Variants in GRM8 observed in about 807,000 individuals in gnomAD.
GRM8 encodes the protein glutamate metabotropic receptor 8.
A neutral mutation model predicts 87.2 loss-of-function variants in GRM8; 47 were observed. The observed-to-expected ratio is 0.54, with a 90% CI of 0.43 to 0.69. The LOEUF (loss-of-function observed/expected upper bound fraction) is 0.69. Among genes scored for constraint, GRM8 ranks in the 30% least tolerant of loss-of-function variants. The probability of loss-of-function intolerance (pLI) is 0.00; values close to 1 mark genes in which losing one functional copy is unlikely to be tolerated. For missense variants in GRM8, 1,019 were observed against 1,139.2 expected (o/e 0.89, Z 1.52); for synonymous variants, 396 against 404.5 (o/e 0.98, Z 0.25).
At chr7:126,557,990 CAT>C (rs1015591046) in intron 8 of GRM8, among the ~76,000 whole-genome samples, 16 of 152,174 alleles carry the variant, frequency 1.1e-4, no homozygotes, top group Admixed American at 7.2e-4. Flanking sequence ...TTAAAATTAA[CAT>C]AAATTCATAC....
intron 9 of GRM8, among the ~76,000 whole-genome samples, chr7:126,460,253 G>A (rs759789126): frequency 3.3e-5 from 5 of 151,476 alleles, no homozygotes; most frequent in Non-Finnish European, 1.5e-5. Flanking sequence ...CATACATATG[G>A]TGACCTCTCC....
intron 2 of GRM8, among the ~76,000 whole-genome samples, chr7:127,142,875 C>G (rs1014839243): frequency 3.3e-5 from 5 of 152,070 alleles, no homozygotes; most frequent in African/African-American, 4.8e-5. Context: ...GTAGAACAGA[C>G]AGCAGAGAAA....
intron 7 of GRM8, among the ~76,000 whole-genome samples, chr7:126,711,265 T>C (rs1811068520): frequency 6.6e-6 from 1 of 152,222 alleles, no homozygotes. Flanking sequence ...ACAGATGTTA[T>C]GTTAGCAGTC....
intron 3 of GRM8, among the ~76,000 whole-genome samples, chr7:127,039,184 G>A (rs1476699037): frequency 2.0e-5 from 3 of 152,214 alleles, no homozygotes; most frequent in Non-Finnish European, 4.4e-5. Flanking sequence ...CCAACCTCCA[G>A]TAGCTCAGAA....
At chr7:126,778,253 A>G (rs1312221843) in intron 6 of GRM8, among the ~76,000 whole-genome samples, 2 of 152,176 alleles carry the variant, frequency 1.3e-5, no homozygotes, top group African/African-American at 4.8e-5. Flanking sequence ...CTGCCTGAGG[A>G]CACATGAGGA....
intron 9 of GRM8, among the ~76,000 whole-genome samples, chr7:126,460,434 C>T (rs1446914377): frequency 6.6e-6 from 1 of 151,560 alleles, no homozygotes; most frequent in Non-Finnish European, 1.5e-5. Flanking sequence ...TAGGTCAAAA[C>T]CTTAAAACAC....
chr7:126,564,367 C>T (rs183017976), intron 8 of GRM8, among the ~76,000 whole-genome samples: 1 of 152,214 alleles, frequency 6.6e-6, no homozygotes, highest in African/African-American at 2.4e-5. Flanking sequence ...CATATGGAAC[C>T]AGACTGAACC....
At chr7:126,558,984 G>A (rs1793423887) in intron 8 of GRM8, among the ~76,000 whole-genome samples, 1 of 152,094 alleles carries the variant, frequency 6.6e-6, no homozygotes, top group South Asian at 2.1e-4. Flanking sequence ...TGAAGAGAGA[G>A]ACGGGTACTG....
At position 127,222,865 on chromosome 7, in the gene GRM8, G is replaced by A. The variant is rs1797023678; in HGVS notation, c.510+19830C>T. Among the ~76,000 whole-genome samples the A allele has an allele frequency of 1.3e-5, 2 of 152,240 alleles. 1 individual carries two copies. Among genetic ancestry groups the A allele is most frequent in the South Asian group, 4.1e-4 (2 of 4,820 alleles). ...GTCTACCCACAAAGCAAGTGACTGG[G>A]CCACTTCACCACCTCTACCTCCTGT... On this transcript the variant is annotated intron_variant, in intron 2 of 10. Coordinates refer to ENST00000339582, the MANE Select transcript of GRM8 (RefSeq NM_000845.3).
At chr7:126,790,324 T>C (rs1342821167) in intron 6 of GRM8, among the ~76,000 whole-genome samples, 1 of 152,172 alleles carries the variant, frequency 6.6e-6, no homozygotes, top group Admixed American at 6.5e-5. Flanking sequence ...ACATTCTTAA[T>C]GACATTGTTA....
intron 8 of GRM8, among the ~76,000 whole-genome samples, chr7:126,606,534 C>A (rs1798366191): frequency 6.6e-6 from 1 of 152,168 alleles, no homozygotes; most frequent in Non-Finnish European, 1.5e-5. Context: ...GCTTGCCAAG[C>A]ACTCTACTAC....
Position 127,017,210 on chromosome 7 carries a change from A to G in GRM8, c.727+89286T>C, listed in dbSNP as rs559520818. 4.6e-5 allele frequency among the ~76,000 whole-genome samples: 7 copies of G among 152,208 alleles called. No individual in the cohort carries two copies. In the South Asian group the frequency reaches 1.5e-3, roughly 32 times the overall value. ...AGAAGTTGTCCATATCTATCACAAA[A>G]TTCACGACCTATTTTAAGTAGCTAA... On this transcript the variant is annotated intron_variant, in intron 3 of 10. Coordinates refer to ENST00000339582, the MANE Select transcript of GRM8 (RefSeq NM_000845.3).
At chr7:126,775,729 G>A (rs1442720364) in intron 6 of GRM8, among the ~76,000 whole-genome samples, 2 of 152,058 alleles carry the variant, frequency 1.3e-5, no homozygotes, top group South Asian at 4.1e-4. Context: ...GAGAGGATCA[G>A]TCAGGTAGAT....
Position 127,015,072 on chromosome 7 carries a change from A to AAG in GRM8, c.727+91423_727+91424insCT, listed in dbSNP as rs757484218. ...AAGAAGAAGAAGAAGAAGAAGAAAGAAAGAAGGAGAAGAAGGAGAAGAAGG... is the reference window on the plus strand; with the variant it reads ...AAGAAGAAGAAGAAGAAGAAGAAAGAAGAAGAAGGAGAAGAAGGAGAAGAAGG... On this transcript the variant is annotated intron_variant, in intron 3 of 10. Transcript: ENST00000339582. Among the ~76,000 whole-genome samples, 822 of 103,458 alleles carry AAG rather than the reference A, an allele frequency of 7.9e-3. 3 individuals carry two copies. Among genetic ancestry groups the AAG allele is most frequent in the Non-Finnish European group, 0.012 (516 of 42,156 alleles). 67.9% of individuals were successfully genotyped at this position (103,458 alleles called of 152,430 possible).
intron 3 of GRM8, among the ~76,000 whole-genome samples, chr7:126,954,037 G>A (rs1237728674): frequency 2.0e-5 from 3 of 152,120 alleles, no homozygotes; most frequent in Admixed American, 1.3e-4. Flanking sequence ...TGGAAAGAAT[G>A]TTGCACAACG....
Position 126,532,968 on chromosome 7 carries a change from G to A in GRM8, c.2414C>T (p.Ala805Val). 1 of 1,609,008 alleles carries A rather than the reference G, an allele frequency of 6.2e-7. No individual in the cohort carries two copies. The change falls in exon 9 of 11, where the codon GCC (alanine) becomes GTC (valine). Residue 805 changes from alanine (A) to valine (V), a missense_variant. Transcript: ENST00000339582. ...TCTACTTACCTTTTCTGCTGACTGGGCTGTACCAAAAAAGATGGGGATGAA... is the reference window on the plus strand; with the variant it reads ...TCTACTTACCTTTTCTGCTGACTGGACTGTACCAAAAAAGATGGGGATGAA... ...LAFIPIFFGT[A>V]QSAEKMYIQT... is the part of the protein sequence containing the mutation.
rs557836565 is a variant in GRM8, at chr7:127,107,417, C to A, written c.511-705G>T. The stretch of plus-strand genomic sequence containing the variant: ...ATTTTTCTTTTAATGGGGTGAATTG[C>A]CAGAAATTCTTTGAAATGAGGAATC... On this transcript the variant is annotated intron_variant, in intron 2 of 10. Transcript: ENST00000339582. Among the ~76,000 whole-genome samples, 34 of 152,080 alleles carry A rather than the reference C, an allele frequency of 2.2e-4. 1 individual carries two copies. The South Asian group carries it at 7.1e-3, about 32-fold the overall frequency.
At chr7:126,763,694 T>A (rs899468658) in intron 7 of GRM8, among the ~76,000 whole-genome samples, 4 of 151,600 alleles carry the variant, frequency 2.6e-5, no homozygotes, top group Admixed American at 6.6e-5. Context: ...GTTAAATGTT[T>A]GGTAGGAATA....
intron 7 of GRM8, among the ~76,000 whole-genome samples, chr7:126,703,688 T>C (rs996348386): frequency 6.6e-6 from 1 of 152,178 alleles, no homozygotes; most frequent in South Asian, 2.1e-4. Flanking sequence ...ATCTTTCAAG[T>C]GTCTAGGACT....
Sources: gnomAD v4.1 joint callset for allele counts (sites outside exome capture counted in the v4.1 genomes callset) on GRCh38, gnomAD v4.1.1 for gene constraint, MANE v1.5 for transcripts, NCBI Gene and HGNC (gene_info 2026-07-23, HGNC 2026-07-21) for gene names.